The following FSHR variants were observed in gnomAD, a reference collection of about 807,000 sequenced individuals.
The protein encoded by FSHR is follicle-stimulating hormone receptor.
In FSHR, 46 loss-of-function variants were observed where a neutral mutation model predicts 52.1. The observed-to-expected ratio is 0.88, with a 90% CI of 0.70 to 1.13. The LOEUF is 1.13. Ranked by LOEUF, FSHR falls within the 50% of genes most tolerant of loss-of-function variation. The pLI is 0.00. For missense variants in FSHR, 964 were observed against 834.6 expected, an observed-to-expected ratio of 1.16 and a Z score of -1.91; for synonymous variants, 399 against 309.6, an observed-to-expected ratio of 1.29 and a Z score of -3.03.
At chr2:49,052,008 C>T (rs1406823388) in intron 2 of FSHR, among the ~76,000 whole-genome samples, 1 of 152,034 alleles carries the variant, frequency 6.6e-6, no homozygotes, top group Non-Finnish European at 1.5e-5. Flanking sequence ...GATGAGAGAA[C>T]ATTTCCCAAC....
In FSHR at chr2:49,068,098, G is replaced by A. The variant is rs185931817; in HGVS notation, c.224+121C>T. ...ACACAGTAAAATGTGAGGAGATGCA[G>A]AAAGTTTGGCTGACCATGTCAGTTC... On this transcript the variant is annotated intron_variant, in intron 2 of 9. Transcript: ENST00000406846. 3 of 774,348 alleles carry A rather than the reference G, an allele frequency of 3.9e-6. No individual in the cohort carries two copies. The Admixed American group carries it at 5.3e-5, about 14-fold the overall frequency. The allele number at this position is 774,348 out of a possible 1,614,324, so 48.0% of individuals were successfully genotyped here.
At position 48,963,561 on chromosome 2, in the gene FSHR, T is replaced by G; in HGVS notation, c.1260A>C (p.Ser420=). 6.2e-7 allele frequency: 1 copy of G among 1,614,184 alleles called. No individual in the cohort carries two copies. Among genetic ancestry groups the G allele is most frequent in the African/African-American group, 1.3e-5 (1 of 75,044 alleles). The change falls in exon 10 of 10, where the codon TCA becomes TCC. Residue 420 remains serine, a synonymous_variant. Transcript: ENST00000406846. ...ATTGGCTCTTGGTATGGATATCAAC[T>G]GATGCAATGAGCAGCAGGTAGATTC... ...CIGIYLLLIA[S]VDIHTKSQYH...
intron 1 of FSHR, among the ~76,000 whole-genome samples, chr2:49,130,745 A>G (rs565885659): frequency 5.9e-5 from 9 of 152,160 alleles, no homozygotes; most frequent in Non-Finnish European, 1.2e-4. Flanking sequence ...AATGACATTC[A>G]CCCAGTTGCT....
chr2:49,022,868 G>A (rs2104231286), intron 2 of FSHR, among the ~76,000 whole-genome samples: 1 of 152,214 alleles, frequency 6.6e-6, no homozygotes, highest in Admixed American at 6.5e-5. Flanking sequence ...CATCTTCTAG[G>A]ACAGCGCTTC....
intron 6 of FSHR, among the ~76,000 whole-genome samples, chr2:48,985,724 T>G (rs1205475535): frequency 2.0e-5 from 2 of 98,374 alleles, no homozygotes; most frequent in East Asian, 3.1e-4. Flanking sequence ...TTTTTTTTTT[T>G]GAGACGGAGT....
intron 1 of FSHR, among the ~76,000 whole-genome samples, chr2:49,077,878 C>A (rs1433118460): frequency 6.6e-6 from 1 of 152,214 alleles, no homozygotes; most frequent in African/African-American, 2.4e-5. Context: ...CCATCTGAGA[C>A]CACCTCAGTC....
At chr2:48,992,266 AG>A (rs764181511) in intron 4 of FSHR, among the ~76,000 whole-genome samples, 4 of 152,174 alleles carry the variant, frequency 2.6e-5, no homozygotes, top group Non-Finnish European at 5.9e-5. Flanking sequence ...CGTAACCACG[AG>A]CACAATACAG....
intron 4 of FSHR, among the ~76,000 whole-genome samples, chr2:49,015,352 A>C (rs980506822): frequency 6.6e-6 from 1 of 152,216 alleles, no homozygotes; most frequent in East Asian, 1.9e-4. Context: ...TTATTCAACA[A>C]CTTACTAGAA....
intron 8 of FSHR, among the ~76,000 whole-genome samples, chr2:48,973,512 A>T (rs1674839080): frequency 6.6e-6 from 1 of 152,256 alleles, no homozygotes; most frequent in Non-Finnish European, 1.5e-5. Context: ...AACAAACTCC[A>T]CTGAGGTCTC....
At chr2:49,092,738 T>C (rs1353338047) in intron 1 of FSHR, among the ~76,000 whole-genome samples, 1 of 152,170 alleles carries the variant, frequency 6.6e-6, no homozygotes, top group Non-Finnish European at 1.5e-5. Context: ...TGATCTCGGC[T>C]CACTGCAACC....
chr2:49,093,595 C>CCT (rs1553344384), intron 1 of FSHR, among the ~76,000 whole-genome samples: 19,367 of 132,656 alleles, frequency 0.15, 1,414 homozygotes, highest in East Asian at 0.24. Flanking sequence ...TTATATTTAT[C>CCT]TTTTTTTTTT....
At chr2:49,007,493 G>A (rs1193952200) in intron 4 of FSHR, among the ~76,000 whole-genome samples, 1 of 152,146 alleles carries the variant, frequency 6.6e-6, no homozygotes, top group Non-Finnish European at 1.5e-5. Flanking sequence ...GACCACTAGT[G>A]TTGAAAATAA....
chr2:49,138,759 A>C (rs11680961), intron 1 of FSHR, among the ~76,000 whole-genome samples: 2 of 152,222 alleles, frequency 1.3e-5, no homozygotes, highest in Non-Finnish European at 2.9e-5. Flanking sequence ...TTTAAAATTG[A>C]CGGTGATGGT....
At chr2:49,023,645 C>G (rs1270263928) in intron 2 of FSHR, among the ~76,000 whole-genome samples, 1 of 152,162 alleles carries the variant, frequency 6.6e-6, no homozygotes, top group African/African-American at 2.4e-5. Flanking sequence ...GGTCACAGCT[C>G]TCTCCCTAGG....
chr2:49,067,172 T>G (rs1198139495), intron 2 of FSHR, among the ~76,000 whole-genome samples: 2 of 152,130 alleles, frequency 1.3e-5, no homozygotes, highest in African/African-American at 4.8e-5. Flanking sequence ...AATGCTTTAA[T>G]CGAGGTTATG....
chr2:48,985,224 G>C (rs1675441276), intron 6 of FSHR, among the ~76,000 whole-genome samples: 1 of 152,218 alleles, frequency 6.6e-6, no homozygotes, highest in Non-Finnish European at 1.5e-5. Flanking sequence ...GATGAGGCCA[G>C]TGTGCTCACT....
intron 1 of FSHR, among the ~76,000 whole-genome samples, chr2:49,075,819 T>G (rs1366200181): frequency 6.6e-6 from 1 of 151,860 alleles, no homozygotes; most frequent in Non-Finnish European, 1.5e-5. Flanking sequence ...TGGGTTTTTT[T>G]GGGAGAGACA....
At chr2:49,091,708 G>T (rs1211932621) in intron 1 of FSHR, among the ~76,000 whole-genome samples, 7 of 152,184 alleles carry the variant, frequency 4.6e-5, no homozygotes, top group East Asian at 1.9e-4. Flanking sequence ...CTATAATTTT[G>T]TGGGTCTGTT....
chr2:49,107,467 C>T (rs948763472), intron 1 of FSHR, among the ~76,000 whole-genome samples: 1 of 152,094 alleles, frequency 6.6e-6, no homozygotes, highest in Admixed American at 6.6e-5. Context: ...CCCAGGAAAG[C>T]AGGCTCTATA....
Sources: allele counts gnomAD v4.1 joint callset (sites outside exome capture counted in the v4.1 genomes callset), GRCh38; gene constraint gnomAD v4.1.1; transcripts MANE v1.5; gene names NCBI Gene and HGNC (gene_info 2026-07-23, HGNC 2026-07-21).